The following CARD9 variants were observed in gnomAD, a reference collection of about 807,000 sequenced individuals.
CARD9 encodes caspase recruitment domain family member 9, also known as caspase recruitment domain-containing protein 9.
CARD9 carries 53 observed loss-of-function variants against 66.0 expected under a neutral mutation model. The observed-to-expected ratio is 0.80, with a 90% CI of 0.64 to 1.01. CARD9 has a LOEUF of 1.01. Ranked by LOEUF, CARD9 falls within the 50% of genes least tolerant of loss-of-function variation. The pLI, the probability that CARD9 is intolerant of heterozygous loss-of-function variation, is 0.00. For synonymous variants in CARD9, 387 were observed against 313.8 expected, an observed-to-expected ratio of 1.23 and a Z score of -2.47; for missense variants, 769 against 743.2, an observed-to-expected ratio of 1.03 and a Z score of -0.40.
At chr9:136,372,978 G>C (rs1833311350) in intron 1 of CARD9, among the ~76,000 whole-genome samples, 1 of 152,224 alleles carries the variant, frequency 6.6e-6, no homozygotes, top group Non-Finnish European at 1.5e-5. Flanking sequence ...ACCCATGTTG[G>C]GACCAGCCAC....
Position 136,364,576 on chromosome 9 carries a change from G to A in CARD9, c.1435-17C>T. On this transcript the variant is annotated splice_polypyrimidine_tract_variant and intron_variant, in intron 11 of 12. Transcript: ENST00000371732. ...GCCTGCGTCCTGGAGAAGGGGGAAGGCTCGGGCTCCGGCCGGCTCCCCTGA... is the reference window on the plus strand; with the variant it reads ...GCCTGCGTCCTGGAGAAGGGGGAAGACTCGGGCTCCGGCCGGCTCCCCTGA... The A allele has an allele frequency of 1.3e-6, 2 of 1,535,048 alleles. No homozygotes were observed. The highest frequency in any genetic ancestry group is 8.7e-7 in the Non-Finnish European group (1 of 1,144,764).
Position 136,371,128 on chromosome 9 carries a change from C to T in CARD9, c.340G>A (p.Gly114Ser). The T allele has an allele frequency of 6.2e-7, 1 of 1,612,542 alleles. No individual in the cohort carries two copies. Among genetic ancestry groups the T allele is most frequent in the Non-Finnish European group, 8.5e-7 (1 of 1,179,922 alleles). The change falls in exon 4 of 13, where the codon GGC (glycine) becomes AGC (serine). Residue 114 changes from glycine (G) to serine (S), a missense_variant. Transcript: ENST00000371732. ...TCAGTCATCAGCAGCTGAGTCAGGC[C>T]TGACTCCCCGGACGCGTCTGTGGGC... Reference protein sequence around the residue: ...SMIIDASGESGLTQLLMTEVM... With the variant: ...SMIIDASGESSLTQLLMTEVM...
chr9:136,364,573 A>G lies in CARD9; in HGVS notation c.1435-14T>C. On this transcript the variant is annotated splice_polypyrimidine_tract_variant and intron_variant, in intron 11 of 12. Transcript: ENST00000371732. ...CAGGCCTGCGTCCTGGAGAAGGGGG[A>G]AGGCTCGGGCTCCGGCCGGCTCCCC... is the stretch of plus-strand genomic sequence containing the variant. 4 of 1,535,486 alleles carry G rather than the reference A, an allele frequency of 2.6e-6. No individual in the cohort carries two copies. Among genetic ancestry groups the G allele is most frequent in the Non-Finnish European group, 3.5e-6 (4 of 1,145,024 alleles).
chr9:136,367,904 T>G, intron 7 of CARD9, 76 bp from the exon 8 acceptor site: 3 of 1,498,118 alleles, frequency 2.0e-6, no homozygotes, highest in Admixed American at 2.1e-5. Context: ...GCCGCCCAAC[T>G]CCAAGCAGAG....
At chr9:136,372,913 T>C (rs917149001) in intron 1 of CARD9, among the ~76,000 whole-genome samples, 1 of 152,210 alleles carries the variant, frequency 6.6e-6, no homozygotes, top group Non-Finnish European at 1.5e-5. Context: ...ATCCCTGGAC[T>C]CTTCTCCTGC....
chr9:136,366,492 GC>G (rs1833126702), intron 10 of CARD9: 2 of 488,358 alleles, frequency 4.1e-6, no homozygotes, highest in Admixed American at 6.8e-5. Flanking sequence ...GCCCAGAGGG[GC>G]CCCACACTCT....
chr9:136,372,200 C>T (rs574568569), intron 1 of CARD9, 106 bp from the exon 2 acceptor site: 30 of 1,469,708 alleles, frequency 2.0e-5, no homozygotes, highest in Admixed American at 5.8e-5. Flanking sequence ...GTCAGGGCAT[C>T]GAGGGGGATC....
rs745691628 is a variant in CARD9, at chr9:136,367,612, T to A, written c.1269+25A>T. ...CCTGCATCCCACGCGCCGGCTCCCC[T>A]CCCTGCCGCAGGCCCCAGGCCCACC... On this transcript the variant is annotated intron_variant, in intron 8 of 12. Coordinates refer to ENST00000371732, the MANE Select transcript of CARD9 (RefSeq NM_052813.5). 6.9e-5 allele frequency: 107 copies of A among 1,551,602 alleles called. 1 individual carries two copies. Among genetic ancestry groups the A allele is most frequent in the Non-Finnish European group, 6.1e-6 (7 of 1,153,898 alleles).
At chr9:136,369,562 T>C (rs1354660338) in intron 7 of CARD9, among the ~76,000 whole-genome samples, 188 bp downstream of exon 7, 1 of 152,178 alleles carries the variant, frequency 6.6e-6, no homozygotes, top group African/African-American at 2.4e-5. Flanking sequence ...CCCAGCACTT[T>C]GGGAGGCTGA....
chr9:136,367,341 C>T, intron 8 of CARD9, 84 bp from the exon 9 acceptor site: 1 of 1,476,116 alleles, frequency 6.8e-7, no homozygotes. Context: ...AGAGCGGGAT[C>T]CTCCAGGGAG....
chr9:136,364,079 A>C lies in CARD9; in HGVS notation c.*223T>G, dbSNP rs913773548. The C allele has an allele frequency of 1.3e-6, 2 of 1,549,780 alleles. No homozygotes were observed. The highest frequency in any genetic ancestry group is 1.7e-6 in the Non-Finnish European group (2 of 1,146,244). ...CTGAAGTTACACAGATGGCGTGTGC[A>C]TGGGGGTGGTGAGCACCCGCATGGC... is the stretch of plus-strand genomic sequence containing the variant. On this transcript the variant is annotated 3_prime_UTR_variant, in exon 13 of 13. Transcript: ENST00000371732.
intron 6 of CARD9, 120 bp downstream of exon 6, chr9:136,370,174 G>A: frequency 6.7e-7 from 1 of 1,488,508 alleles, no homozygotes; most frequent in Non-Finnish European, 8.9e-7. Flanking sequence ...AGGAGTGGGT[G>A]AGTGGAGGCG....
chr9:136,366,886 C>T, intron 9 of CARD9, 41 bp from the exon 10 acceptor site: 1 of 1,610,632 alleles, frequency 6.2e-7, no homozygotes, highest in South Asian at 1.1e-5. Flanking sequence ...GCCACTTCGC[C>T]AAGGACTGGA....
At chr9:136,369,377 A>G (rs1024294862) in intron 7 of CARD9, among the ~76,000 whole-genome samples, 2 of 152,276 alleles carry the variant, frequency 1.3e-5, no homozygotes, top group Non-Finnish European at 2.9e-5. Flanking sequence ...AGATGGATAC[A>G]TGGATAGATG....
Position 136,373,542 on chromosome 9 carries a change from TCCAGGAGCCACCTGCACTGCAGACACA to T in CARD9, c.-54_-28del, listed in dbSNP as rs1833325116. ...ACCAGACCCACCCACCTGAGGGTCT[TCCAGGAGCCACCTGCACTGCAGACACA>T]CCAGGAGCCTGGGCCGCGGAGCCTC... On this transcript the variant is annotated 5_prime_UTR_variant, in exon 1 of 13. Transcript: ENST00000371732. 2.0e-6 allele frequency: 2 copies of T among 985,480 alleles called. No individual in the cohort carries two copies. Among genetic ancestry groups the T allele is most frequent in the African/African-American group, 1.7e-5 (1 of 57,210 alleles). The allele number at this position is 985,480 out of a possible 1,614,324, so 61.0% of individuals were successfully genotyped here. A position where few individuals can be genotyped will look rare whatever the true frequency, so the allele number is the denominator to read the frequency against.
Position 136,368,881 on chromosome 9 carries a change from G to A in CARD9, c.1077+869C>T, listed in dbSNP as rs370545001. 2.2e-4 allele frequency among the ~76,000 whole-genome samples: 33 copies of A among 151,940 alleles called. No homozygotes were observed. In the East Asian group the frequency reaches 5.2e-3, roughly 24 times the overall value. On this transcript the variant is annotated intron_variant, in intron 7 of 12. Coordinates refer to ENST00000371732, the MANE Select transcript of CARD9 (RefSeq NM_052813.5). ...GTCACCCAGGCTGGAGTACAGTAGC[G>A]TGATCTCAGCTCACTGCAACCTCTG...
intron 6 of CARD9, 85 bp downstream of exon 6, chr9:136,370,209 C>A (rs1165626683): frequency 5.2e-6 from 8 of 1,544,102 alleles, no homozygotes; most frequent in African/African-American, 4.1e-5. Context: ...CCACACCCCA[C>A]CTTCCAGGCA....
chr9:136,366,714 A>C, intron 10 of CARD9, 86 bp downstream of exon 10: 1 of 1,431,164 alleles, frequency 7.0e-7, no homozygotes, highest in Non-Finnish European at 9.9e-7. Context: ...TGACACAGGC[A>C]TTGCGGCACG....
rs1294011106 is a variant in CARD9, at chr9:136,370,620, C to A, written c.709G>T (p.Ala237Ser). ...TCCTGGCTGGGCCGCTGCTCCATGG[C>A]GTGCCTGAGCTTCAGCGTGTGCTTG... ...ERKHTLKLRHAMEQRPSQELL... is the reference protein window; with the variant it reads ...ERKHTLKLRHSMEQRPSQELL... Residue 237 changes from alanine to serine, a missense_variant, in exon 5 of 13, where the codon GCC becomes TCC. Transcript: ENST00000371732. The A allele has an allele frequency of 1.2e-6, 2 of 1,612,610 alleles. No homozygotes were observed. Among genetic ancestry groups the A allele is most frequent in the Admixed American group, 3.3e-5 (2 of 60,002 alleles).
Sources: allele counts gnomAD v4.1 joint callset (sites outside exome capture counted in the v4.1 genomes callset), GRCh38; gene constraint gnomAD v4.1.1; transcripts MANE v1.5; gene names NCBI Gene and HGNC (gene_info 2026-07-23, HGNC 2026-07-21).